Variants in NRG1 observed in about 807,000 individuals in gnomAD.
The protein encoded by NRG1 is pro-neuregulin-1, membrane-bound isoform.
A neutral mutation model predicts 63.8 loss-of-function variants in NRG1; 18 were observed. The ratio of observed to expected loss-of-function variants is 0.28; its 90% CI spans 0.19 to 0.42. NRG1 has a LOEUF of 0.42. NRG1 is among the 10% of genes least tolerant of loss of function. The probability of loss-of-function intolerance (pLI) is 1.00; values close to 1 mark genes in which losing one functional copy is unlikely to be tolerated. For missense variants in NRG1, 762 were observed against 814.7 expected, an observed-to-expected ratio of 0.94 and a Z score of 0.79; for synonymous variants, 302 against 301.3, an observed-to-expected ratio of 1.00 and a Z score of -0.02.
intron 1 of NRG1, among the ~76,000 whole-genome samples, chr8:31,836,013 C>T (rs997959993): frequency 6.6e-6 from 1 of 152,114 alleles, no homozygotes. Context: ...TGGCTGGTGG[C>T]TACCTTATTG....
intron 1 of NRG1, among the ~76,000 whole-genome samples, chr8:31,706,349 TATAG>T (rs1369838263): frequency 6.6e-6 from 1 of 152,218 alleles, no homozygotes; most frequent in Non-Finnish European, 1.5e-5. Flanking sequence ...CTTAACATAA[TATAG>T]AGTTATTTCC....
intron 1 of NRG1, among the ~76,000 whole-genome samples, chr8:32,483,932 G>A (rs1398784753): frequency 4.6e-5 from 7 of 151,970 alleles, no homozygotes; most frequent in South Asian, 2.1e-4. Flanking sequence ...GTGAAAACCC[G>A]TCTCTACTAA....
chr8:31,831,528 A>T (rs1021756698), intron 1 of NRG1, among the ~76,000 whole-genome samples: 7 of 152,220 alleles, frequency 4.6e-5, no homozygotes, highest in Admixed American at 3.3e-4. Context: ...CAATTTTAAG[A>T]TTTCTGAGAA....
intron 1 of NRG1, among the ~76,000 whole-genome samples, chr8:32,407,462 T>C (rs1165135957): frequency 6.6e-6 from 1 of 151,658 alleles, no homozygotes; most frequent in East Asian, 1.9e-4. Flanking sequence ...ATGAAGAACA[T>C]ATTAGGTGAG....
intron 1 of NRG1, among the ~76,000 whole-genome samples, chr8:31,819,444 T>TA (rs1358612010): frequency 6.6e-6 from 1 of 152,212 alleles, no homozygotes; most frequent in Non-Finnish European, 1.5e-5. Context: ...GCCTTTTATT[T>TA]AAAATAACAT....
chr8:32,523,467 A>T (rs1830526269), intron 1 of NRG1, among the ~76,000 whole-genome samples: 1 of 152,234 alleles, frequency 6.6e-6, no homozygotes, highest in African/African-American at 2.4e-5. Flanking sequence ...GAGTTTATTT[A>T]AAAAGTCTTA....
At chr8:32,065,977 A>G (rs1413280314) in intron 1 of NRG1, among the ~76,000 whole-genome samples, 1 of 152,172 alleles carries the variant, frequency 6.6e-6, no homozygotes, top group Non-Finnish European at 1.5e-5. Flanking sequence ...GGCCGCATAA[A>G]TGTCTTCTTT....
At chr8:32,118,340 G>T (rs1322743712) in intron 1 of NRG1, among the ~76,000 whole-genome samples, 2 of 151,772 alleles carry the variant, frequency 1.3e-5, no homozygotes, top group Non-Finnish European at 1.5e-5. Context: ...GTTAAAAAGA[G>T]CCTGGTTCCT....
At chr8:32,439,771 A>ATT (rs11306096) in intron 1 of NRG1, among the ~76,000 whole-genome samples, 7,530 of 133,440 alleles carry the variant, frequency 0.056, 261 homozygotes, top group Middle Eastern at 0.1. Flanking sequence ...CGAATAAGTG[A>ATT]TTTTTTTTTT....
At chr8:32,144,698 C>T (rs776635432) in intron 1 of NRG1, among the ~76,000 whole-genome samples, 8 of 152,072 alleles carry the variant, frequency 5.3e-5, no homozygotes, top group Non-Finnish European at 1.2e-4. Context: ...TATCTAAAAA[C>T]GTCAAGCTGG....
intron 5 of NRG1, among the ~76,000 whole-genome samples, chr8:32,639,819 G>C (rs575352908): frequency 4.5e-4 from 68 of 152,174 alleles, no homozygotes; most frequent in Non-Finnish European, 9.7e-4. Flanking sequence ...TATAAGTCAA[G>C]TTCAATCACT....
intron 1 of NRG1, among the ~76,000 whole-genome samples, chr8:32,104,294 C>T (rs1326305005): frequency 2.0e-5 from 3 of 152,142 alleles, no homozygotes; most frequent in South Asian, 2.1e-4. Flanking sequence ...AGAAAAGGCA[C>T]AGTAAAATAT....
At chr8:31,776,946 G>A (rs1050474091) in intron 1 of NRG1, among the ~76,000 whole-genome samples, 1 of 152,200 alleles carries the variant, frequency 6.6e-6, no homozygotes, top group East Asian at 1.9e-4. Flanking sequence ...TACACTGTTG[G>A]TGGGGCTGTA....
chr8:32,439,931 C>A (rs1371547495), intron 1 of NRG1, among the ~76,000 whole-genome samples: 2 of 151,982 alleles, frequency 1.3e-5, no homozygotes, highest in African/African-American at 2.4e-5. Context: ...TGCACCCCAC[C>A]ACACCTGGTA....
chr8:31,902,892 G>A (rs774226130), intron 1 of NRG1, among the ~76,000 whole-genome samples: 10 of 152,058 alleles, frequency 6.6e-5, no homozygotes, highest in South Asian at 2.1e-4. Context: ...ACTCACTTTC[G>A]TCCAATAGAA....
chr8:31,934,861 A>C (rs1219039477), intron 1 of NRG1, among the ~76,000 whole-genome samples: 1 of 152,204 alleles, frequency 6.6e-6, no homozygotes, highest in African/African-American at 2.4e-5. Flanking sequence ...CTAAGCACTT[A>C]AAATGCTGCC....
At chr8:32,079,317 C>T (rs921246375) in intron 1 of NRG1, among the ~76,000 whole-genome samples, 1 of 152,038 alleles carries the variant, frequency 6.6e-6, no homozygotes, top group Admixed American at 6.6e-5. Flanking sequence ...TAATTATTTT[C>T]TTTACAGGTG....
intron 1 of NRG1, among the ~76,000 whole-genome samples, chr8:32,181,706 C>A (rs1841445834): frequency 6.6e-6 from 1 of 152,140 alleles, no homozygotes; most frequent in African/African-American, 2.4e-5. Context: ...GAAGTCACAG[C>A]TATTGATTTA....
At chr8:31,761,248 A>G (rs1817521737) in intron 1 of NRG1, among the ~76,000 whole-genome samples, 1 of 152,134 alleles carries the variant, frequency 6.6e-6, no homozygotes, top group Non-Finnish European at 1.5e-5. Context: ...TGGGAATTGA[A>G]CAATGAGAAC....
Sources: allele counts gnomAD v4.1 joint callset (sites outside exome capture counted in the v4.1 genomes callset), GRCh38; gene constraint gnomAD v4.1.1; transcripts MANE v1.5; gene names NCBI Gene and HGNC (gene_info 2026-07-23, HGNC 2026-07-21).